The following FIRRM variants were observed in gnomAD, a reference collection of about 807,000 sequenced individuals.
FIRRM encodes the protein FIGNL1 interacting regulator of recombination and mitosis, also known as FIGNL1-interacting regulator of recombination and mitosis.
the FIRRM span, chr1:169,847,786 ATACCTGAAGC>A: frequency 6.2e-7 from 1 of 1,603,742 alleles, no homozygotes; most frequent in Non-Finnish European, 8.5e-7. Flanking sequence ...AAAACTTTTT[ATACCTGAAGC>A]TATCCAGGTA....
the FIRRM span, among the ~76,000 whole-genome samples, chr1:169,816,287 C>T: frequency 6.6e-6 from 1 of 152,192 alleles, no homozygotes; most frequent in Non-Finnish European, 1.5e-5. Flanking sequence ...TACCATCTCT[C>T]TTGTTTCTTC....
chr1:169,845,739 C>A, the FIRRM span, among the ~76,000 whole-genome samples: 1 of 152,184 alleles, frequency 6.6e-6, no homozygotes, highest in Non-Finnish European at 1.5e-5. Context: ...TCAGGATCTA[C>A]TTCTAGTTTG....
the FIRRM span, chr1:169,847,548 C>A: frequency 1.7e-6 from 1 of 584,260 alleles, no homozygotes; most frequent in Non-Finnish European, 3.1e-6. Flanking sequence ...CAGTGAAGTT[C>A]AGGGGCTGTG....
the FIRRM span, chr1:169,830,143 A>C: frequency 2.5e-6 from 2 of 799,420 alleles, no homozygotes; most frequent in Admixed American, 5.3e-5. Flanking sequence ...TCCCCCATTG[A>C]GGATCTGTTA....
At chr1:169,829,406 G>T in the FIRRM span, 2 of 1,613,514 alleles carry the variant, frequency 1.2e-6, no homozygotes, top group East Asian at 2.2e-5. Context: ...GTTCATCTGT[G>T]TACATTTATT....
chr1:169,814,161 G>A, the FIRRM span, among the ~76,000 whole-genome samples: 1 of 152,018 alleles, frequency 6.6e-6, no homozygotes, highest in Non-Finnish European at 1.5e-5. Flanking sequence ...AACTGCACAG[G>A]TCAACTTATG....
chr1:169,818,161 A>G, the FIRRM span, among the ~76,000 whole-genome samples: 2 of 152,230 alleles, frequency 1.3e-5, no homozygotes, highest in Admixed American at 6.5e-5. Context: ...GTAGTCTTCA[A>G]TTACATGTTA....
the FIRRM span, chr1:169,853,097 AAAT>A: frequency 1.0e-6 from 1 of 1,000,608 alleles, no homozygotes; most frequent in Non-Finnish European, 1.5e-6. Flanking sequence ...AATCTAGTGA[AAAT>A]AATCTTTATT....
the FIRRM span, among the ~76,000 whole-genome samples, chr1:169,833,846 CTTTT>C: frequency 6.2e-5 from 6 of 96,048 alleles, no homozygotes; most frequent in East Asian, 2.9e-4. Flanking sequence ...AGTCACTTTC[CTTTT>C]TTTTTTTTTT....
the FIRRM span, among the ~76,000 whole-genome samples, chr1:169,801,697 T>G: frequency 6.6e-6 from 1 of 151,902 alleles, no homozygotes. Flanking sequence ...ATTTTAGATA[T>G]ATATGGTATA....
the FIRRM span, chr1:169,830,748 G>A: frequency 6.2e-7 from 1 of 1,613,708 alleles, no homozygotes; most frequent in South Asian, 1.1e-5. Context: ...GGCTCATCTG[G>A]TGCGTAGAAT....
At chr1:169,840,511 C>CT in the FIRRM span, among the ~76,000 whole-genome samples, 12,642 of 141,526 alleles carry the variant, frequency 0.089, 569 homozygotes, top group Middle Eastern at 0.11. Context: ...TTTCTTTTTT[C>CT]TTTTTTTTTT....
the FIRRM span, chr1:169,842,526 TA>T: frequency 6.2e-7 from 1 of 1,613,774 alleles, no homozygotes; most frequent in Non-Finnish European, 8.5e-7. Flanking sequence ...TGGGCTTTTT[TA>T]AACATTAAAC....
At chr1:169,819,748 C>T in the FIRRM span, among the ~76,000 whole-genome samples, 3 of 152,110 alleles carry the variant, frequency 2.0e-5, no homozygotes, top group East Asian at 1.9e-4. Context: ...GGCTTTTGAA[C>T]GTTACCAAAG....
chr1:169,793,005 C>G, the FIRRM span: 2 of 1,613,958 alleles, frequency 1.2e-6, no homozygotes, highest in Admixed American at 1.7e-5. Flanking sequence ...TTAGCTACTA[C>G]ATTAGGTAAG....
At chr1:169,823,290 A>C in the FIRRM span, 2 of 538,172 alleles carry the variant, frequency 3.7e-6, no homozygotes, top group East Asian at 3.2e-5. Context: ...AAAACAAATA[A>C]TTTTTTTAAA....
chr1:169,850,114 T>C, the FIRRM span: 3 of 602,414 alleles, frequency 5.0e-6, no homozygotes, highest in Non-Finnish European at 8.8e-6. Context: ...TTAGGGACCC[T>C]GAAGGAATCA....
chr1:169,850,964 T>C, the FIRRM span: 1 of 139,116 alleles, frequency 7.2e-6, no homozygotes, highest in Non-Finnish European at 1.5e-5. Flanking sequence ...ATATTTTGGG[T>C]ATAATTTAGG....
the FIRRM span, chr1:169,793,905 G>GAAAAAAAAAAA: frequency 4.9e-6 from 1 of 204,136 alleles, no homozygotes. Context: ...GCTCTGGAAA[G>GAAAAAAAAAAA]AAAAAAAAAA....
Sources: gnomAD v4.1 joint callset for allele counts (sites outside exome capture counted in the v4.1 genomes callset) on GRCh38, gnomAD v4.1.1 for gene constraint, MANE v1.5 for transcripts, NCBI Gene and HGNC (gene_info 2026-07-23, HGNC 2026-07-21) for gene names.